The following SEMA6D variants were observed in gnomAD, a reference collection of about 807,000 sequenced individuals.
SEMA6D encodes semaphorin-6D.
A neutral mutation model predicts 106.6 loss-of-function variants in SEMA6D; 35 were observed. The observed-to-expected ratio is 0.33, with a 90% CI of 0.25 to 0.44. The LOEUF is 0.44. Ranked by LOEUF, SEMA6D falls within the 20% of genes least tolerant of loss-of-function variation. The pLI is 1.00. For missense variants in SEMA6D, 1,185 were observed against 1,345.9 expected, an observed-to-expected ratio of 0.88 and a Z score of 1.87; for synonymous variants, 499 against 487.7, an observed-to-expected ratio of 1.02 and a Z score of -0.31.
chr15:47,266,818 G>A (rs2034342819), intron 1 of SEMA6D, among the ~76,000 whole-genome samples: 1 of 152,102 alleles, frequency 6.6e-6, no homozygotes, highest in Admixed American at 6.6e-5. Context: ...GCTGGAAAGG[G>A]AAATGGAAGG....
At position 47,418,299 on chromosome 15, in the gene SEMA6D, A is replaced by G. The variant is rs1361512447; in HGVS notation, c.-159+5827A>G. ...GCAGGGAGGCTATTCAGTCTGAATC[A>G]TTACAAGGATCACTCTGGCTGCCAT... is the stretch of plus-strand genomic sequence containing the variant. On this transcript the variant is annotated intron_variant, in intron 2 of 19. Transcript: ENST00000558014. Among the ~76,000 whole-genome samples the G allele has an allele frequency of 2.0e-5, 3 of 152,272 alleles. No individual in the cohort carries two copies. In the East Asian group the frequency reaches 5.8e-4, roughly 29 times the overall value.
intron 1 of SEMA6D, among the ~76,000 whole-genome samples, chr15:47,280,458 T>C (rs1435860176): frequency 1.3e-5 from 2 of 148,808 alleles, no homozygotes; most frequent in Non-Finnish European, 3.0e-5. Context: ...ATCAATTTTG[T>C]TGATCCTTTC....
intron 3 of SEMA6D, among the ~76,000 whole-genome samples, chr15:47,593,396 A>T (rs1317119135): frequency 2.9e-5 from 3 of 102,998 alleles, no homozygotes; most frequent in African/African-American, 1.2e-4. Flanking sequence ...ACAGAGCGAA[A>T]CTCCGTCTCA....
At chr15:47,493,400 G>A (rs572053368) in intron 3 of SEMA6D, among the ~76,000 whole-genome samples, 28 of 152,270 alleles carry the variant, frequency 1.8e-4, no homozygotes, top group African/African-American at 6.5e-4. Context: ...CAATGTGGAG[G>A]CTTCTCTTTA....
intron 1 of SEMA6D, among the ~76,000 whole-genome samples, chr15:47,373,422 T>A (rs1183969447): frequency 6.6e-6 from 1 of 152,196 alleles, no homozygotes; most frequent in Non-Finnish European, 1.5e-5. Flanking sequence ...TTAACTCTTA[T>A]GCATGACTAT....
intron 1 of SEMA6D, among the ~76,000 whole-genome samples, chr15:47,239,180 ATCAAGGT>A (rs1453569079): frequency 6.6e-6 from 1 of 152,186 alleles, no homozygotes; most frequent in East Asian, 1.9e-4. Context: ...CATGCAAGGA[ATCAAGGT>A]TCTGGGCTCC....
chr15:47,579,837 A>C (rs1341528658), intron 3 of SEMA6D, among the ~76,000 whole-genome samples: 1 of 152,188 alleles, frequency 6.6e-6, no homozygotes, highest in Non-Finnish European at 1.5e-5. Flanking sequence ...ATTACTGAGG[A>C]AGTAAAGAAT....
At chr15:47,552,898 A>ATATATTTT (rs1274500338) in intron 3 of SEMA6D, among the ~76,000 whole-genome samples, 11 of 105,722 alleles carry the variant, frequency 1.0e-4, no homozygotes, top group Non-Finnish European at 1.6e-4. Flanking sequence ...ATAAATATAT[A>ATATATTTT]TATATATAAA....
chr15:47,441,526 T>G (rs2041882817), intron 2 of SEMA6D, among the ~76,000 whole-genome samples: 1 of 152,098 alleles, frequency 6.6e-6, no homozygotes, highest in Non-Finnish European at 1.5e-5. Flanking sequence ...GATGTACCAT[T>G]TGTCTTCTAA....
intron 3 of SEMA6D, among the ~76,000 whole-genome samples, chr15:47,497,143 C>T (rs1000662687): frequency 5.7e-5 from 8 of 140,004 alleles, no homozygotes; most frequent in African/African-American, 2.0e-4. Flanking sequence ...TCCTTTCTGC[C>T]TGTGAGAAAG....
Position 47,332,218 on chromosome 15 carries a change from C to T in SEMA6D, c.-238-80175C>T, listed in dbSNP as rs117497251. Among the ~76,000 whole-genome samples, 504 of 152,240 alleles carry T rather than the reference C, an allele frequency of 3.3e-3. 4 individuals are homozygous for T. Among genetic ancestry groups the T allele is most frequent in the East Asian group, 0.027 (140 of 5,184 alleles). ...TGCGGCAGTGCCAACAAACACTGCC[C>T]GCTTGTTTACATAATAACTGAGCTT... On this transcript the variant is annotated intron_variant, in intron 1 of 19. Coordinates refer to the SEMA6D transcript ENST00000558014.
intron 3 of SEMA6D, among the ~76,000 whole-genome samples, chr15:47,491,207 G>C (rs141222441): frequency 6.6e-6 from 1 of 151,938 alleles, no homozygotes; most frequent in Non-Finnish European, 1.5e-5. Context: ...CCTGCTCTTT[G>C]CCCACCCACC....
intron 9 of SEMA6D, 26 bp from the exon 10 acceptor site, chr15:47,763,824 T>C: frequency 1.3e-6 from 2 of 1,595,714 alleles, no homozygotes; most frequent in African/African-American, 1.3e-5. Context: ...CATAACCCCA[T>C]TGCTTTGCTT....
chr15:47,198,379 A>G (rs1198380222), intron 1 of SEMA6D, among the ~76,000 whole-genome samples: 2 of 152,194 alleles, frequency 1.3e-5, no homozygotes, highest in African/African-American at 4.8e-5. Flanking sequence ...GATTGGCTTG[A>G]TTATACCATT....
Position 47,559,244 on chromosome 15 carries a change from G to A in SEMA6D, c.-86-41621G>A, listed in dbSNP as rs148288696. Among the ~76,000 whole-genome samples the A allele has an allele frequency of 7.9e-5, 12 of 152,122 alleles. No homozygotes were observed. The South Asian group carries it at 1.0e-3, about 13-fold the overall frequency. On this transcript the variant is annotated intron_variant, in intron 3 of 19. Transcript: ENST00000558014. Reference sequence around the variant, plus strand: ...TAAAGTGTTTCTCTTCAAGCATGACGGAATGGGGAGGCAAACAAATTCTCT... The same window carrying A: ...TAAAGTGTTTCTCTTCAAGCATGACAGAATGGGGAGGCAAACAAATTCTCT...
chr15:47,593,750 A>C, intron 3 of SEMA6D, among the ~76,000 whole-genome samples: 1 of 152,296 alleles, frequency 6.6e-6, no homozygotes. Flanking sequence ...TCCACTTCAG[A>C]GGAGGTCTCA....
intron 1 of SEMA6D, among the ~76,000 whole-genome samples, chr15:47,749,399 C>G (rs1291111203): frequency 6.6e-6 from 1 of 152,060 alleles, no homozygotes; most frequent in Non-Finnish European, 1.5e-5. Context: ...GGACTCTTGT[C>G]AGGCGCAAGG....
intron 2 of SEMA6D, among the ~76,000 whole-genome samples, chr15:47,458,963 A>G (rs544134176): frequency 6.6e-6 from 1 of 152,196 alleles, no homozygotes; most frequent in African/African-American, 2.4e-5. Context: ...ACCTCCTAGT[A>G]TTCATGGCTT....
intron 1 of SEMA6D, among the ~76,000 whole-genome samples, chr15:47,340,915 C>T (rs1173498600): frequency 2.0e-5 from 3 of 152,108 alleles, no homozygotes; most frequent in Non-Finnish European, 1.5e-5. Context: ...TTTATAACTG[C>T]AGCTTAAGTG....
Sources: allele counts gnomAD v4.1 joint callset (sites outside exome capture counted in the v4.1 genomes callset), GRCh38; gene constraint gnomAD v4.1.1; transcripts MANE v1.5; gene names NCBI Gene and HGNC (gene_info 2026-07-23, HGNC 2026-07-21).